USP53: variants seen among roughly 807,000 people sequenced by gnomAD.
The protein encoded by USP53 is ubiquitin carboxyl-terminal hydrolase 53.
Under a neutral mutation model 94.9 loss-of-function variants are expected in USP53, and 71 were observed. That is an observed-to-expected ratio of 0.75 (90% CI 0.62 to 0.91). The LOEUF (loss-of-function observed/expected upper bound fraction) is 0.91. USP53 is among the 40% of genes least tolerant of loss of function. The pLI, the probability that USP53 is intolerant of heterozygous loss-of-function variation, is 0.00. For missense variants in USP53, 1,173 were observed against 1,281.0 expected, an observed-to-expected ratio of 0.92 and a Z score of 1.29; for synonymous variants, 375 against 422.7, an observed-to-expected ratio of 0.89 and a Z score of 1.39.
chr4:119,253,000 T>A (rs1749251555), intron 7 of USP53, among the ~76,000 whole-genome samples: 1 of 152,196 alleles, frequency 6.6e-6, no homozygotes. Flanking sequence ...TACCCAGTAG[T>A]CATTCTTGAG....
chr4:119,233,176 T>C (rs568598712), intron 3 of USP53, among the ~76,000 whole-genome samples: 69 of 77,374 alleles, frequency 8.9e-4, no homozygotes, highest in African/African-American at 1.5e-3. Flanking sequence ...CTCTCTCTCT[T>C]TTTTTTTTTT....
At chr4:119,240,665 A>T (rs1204925509) in intron 5 of USP53, among the ~76,000 whole-genome samples, 1 of 152,112 alleles carries the variant, frequency 6.6e-6, no homozygotes, top group Admixed American at 6.6e-5. Context: ...TTCTTTTGAA[A>T]ACTAATAGAG....
rs762340660 is a variant in USP53 at position 119,271,543 on chromosome 4, C to T, written c.1683C>T (p.Asp561=). Reference sequence around the variant, plus strand: ...ACAATGGCACTGGATATGACACAGACAGCAGCCAAGATTCTAGGGATAGAG... The same window carrying T: ...ACAATGGCACTGGATATGACACAGATAGCAGCCAAGATTCTAGGGATAGAG... ...KSDNGTGYDT[D]SSQDSRDRGN... The change falls in exon 16 of 19, where the codon GAC becomes GAT. Residue 561 remains aspartate (D), a synonymous_variant. Coordinates refer to ENST00000692078, the MANE Select transcript of USP53 (RefSeq NM_001371395.1). 3 of 1,613,726 alleles carry T rather than the reference C, an allele frequency of 1.9e-6. No individual in the cohort carries two copies. Among genetic ancestry groups the T allele is most frequent in the Non-Finnish European group, 2.5e-6 (3 of 1,180,022 alleles).
At chr4:119,255,023 G>A (rs920837252) in intron 7 of USP53, among the ~76,000 whole-genome samples, 1 of 152,168 alleles carries the variant, frequency 6.6e-6, no homozygotes, top group Admixed American at 6.5e-5. Flanking sequence ...GTCCACTCCA[G>A]ACCCTGTTTG....
chr4:119,222,634 T>C (rs1000424771), intron 3 of USP53, among the ~76,000 whole-genome samples: 11 of 152,208 alleles, frequency 7.2e-5, no homozygotes, highest in Admixed American at 1.3e-4. Flanking sequence ...GATTTCATTC[T>C]TTTTTATGGC....
In USP53 at chr4:119,271,837, T is replaced by A; in HGVS notation, c.1977T>A (p.Asn659Lys). Residue 659 changes from asparagine (N) to lysine (K), a missense_variant, in exon 16 of 19, where the codon AAT becomes AAA. Transcript: ENST00000692078. ...EIGSRSSLES[N>K]GKGAEKNKGL... Reference sequence around the variant, plus strand: ...GAAGCAGAAGTTCCCTTGAATCTAATGGAAAAGGAGCAGAGAAAAATAAAG... The same window carrying A: ...GAAGCAGAAGTTCCCTTGAATCTAAAGGAAAAGGAGCAGAGAAAAATAAAG... The A allele has an allele frequency of 6.2e-7, 1 of 1,612,868 alleles. No individual in the cohort carries two copies.
intron 12 of USP53, chr4:119,266,383 T>G: frequency 2.2e-6 from 1 of 455,704 alleles, no homozygotes; most frequent in African/African-American, 2.0e-5. Flanking sequence ...ATTTCCAAAG[T>G]GGTTATACCA....
At chr4:119,262,773 GTAA>G (rs1750664359) in intron 12 of USP53, among the ~76,000 whole-genome samples, 1 of 152,160 alleles carries the variant, frequency 6.6e-6, no homozygotes, top group African/African-American at 2.4e-5. Flanking sequence ...TACTCAAATA[GTAA>G]TAATATTGTC....
chr4:119,222,408 T>C (rs1377479562), intron 3 of USP53, among the ~76,000 whole-genome samples: 1 of 152,212 alleles, frequency 6.6e-6, no homozygotes, highest in African/African-American at 2.4e-5. Context: ...TTCCTTCTAA[T>C]TGTATTTTTG....
intron 17 of USP53, 73 bp from the exon 18 acceptor site, chr4:119,291,091 TG>T (rs1477148607): frequency 1.4e-6 from 1 of 719,500 alleles, no homozygotes; most frequent in Non-Finnish European, 2.1e-6. Flanking sequence ...AAAGTATAAA[TG>T]AAATAAATTC....
chr4:119,225,044 T>C (rs1478710043), intron 3 of USP53, among the ~76,000 whole-genome samples: 1 of 152,062 alleles, frequency 6.6e-6, no homozygotes, highest in Admixed American at 6.6e-5. Context: ...ATAAAGTTGA[T>C]AAAATCCCTA....
intron 17 of USP53, among the ~76,000 whole-genome samples, chr4:119,279,971 C>G (rs1264675550): frequency 3.9e-5 from 6 of 152,184 alleles, no homozygotes; most frequent in Non-Finnish European, 5.9e-5. Context: ...GCACACGGTG[C>G]GCACACCCAC....
intron 9 of USP53, 53 bp downstream of exon 9, chr4:119,256,576 A>G (rs1578491292): frequency 6.5e-7 from 1 of 1,542,236 alleles, no homozygotes; most frequent in East Asian, 2.2e-5. Context: ...ATATTTAAGC[A>G]CATTGAGCAC....
In USP53 at chr4:119,280,199, T is replaced by C. The variant is rs192129466; in HGVS notation, c.2251+6491T>C. Among the ~76,000 whole-genome samples the C allele has an allele frequency of 6.6e-5, 10 of 152,286 alleles. No individual in the cohort carries two copies. In the East Asian group the frequency reaches 1.7e-3, roughly 27 times the overall value. On this transcript the variant is annotated intron_variant, in intron 17 of 18. Coordinates refer to ENST00000692078, the MANE Select transcript of USP53 (RefSeq NM_001371395.1). ...AGATAGCATTAGATTGCTTCCTTTT[T>C]TGATTTAGATGATGAAGTCTTTCAA... is the stretch of plus-strand genomic sequence containing the variant.
Position 119,292,630 on chromosome 4 carries a change from C to T in USP53, c.2641C>T (p.Gln881Ter). The T allele has an allele frequency of 6.2e-7, 1 of 1,614,050 alleles. No homozygotes were observed. Residue 881 changes from glutamine to a stop codon, truncating the protein, a stop_gained, in exon 19 of 19, where the codon CAG becomes TAG. Coordinates refer to ENST00000692078, the MANE Select transcript of USP53 (RefSeq NM_001371395.1). LOFTEE classifies it low-confidence loss of function (END_TRUNC). ...AAAGCCAGAAACTGCTCCTCTCATCCAGCAACAAAATATCATGGATCAATG... is the reference window on the plus strand; with the variant it reads ...AAAGCCAGAAACTGCTCCTCTCATCTAGCAACAAAATATCATGGATCAATG... Reference protein sequence around the residue: ...GLKPETAPLIQQQNIMDQCYF... With the variant: ...GLKPETAPLI
chr4:119,267,767 T>C (rs1178037901), intron 13 of USP53, among the ~76,000 whole-genome samples: 1 of 152,218 alleles, frequency 6.6e-6, no homozygotes, highest in African/African-American at 2.4e-5. Context: ...TTTAGTAAAC[T>C]GGAAAAGTCC....
At chr4:119,287,815 T>C (rs2149476790) in intron 17 of USP53, among the ~76,000 whole-genome samples, 1 of 152,288 alleles carries the variant, frequency 6.6e-6, no homozygotes, top group Non-Finnish European at 1.5e-5. Context: ...TATAATGTCT[T>C]TGTATGTTAA....
chr4:119,271,029 G>C (rs1295229507), intron 15 of USP53, among the ~76,000 whole-genome samples: 1 of 152,120 alleles, frequency 6.6e-6, no homozygotes, highest in Non-Finnish European at 1.5e-5. Flanking sequence ...TTATGAGTGA[G>C]ATAGAGTGCT....
chr4:119,222,466 G>T (rs1561186349), intron 3 of USP53, among the ~76,000 whole-genome samples: 1 of 151,932 alleles, frequency 6.6e-6, no homozygotes, highest in Non-Finnish European at 1.5e-5. Flanking sequence ...TCCTTTCCCA[G>T]CCTCTAGTAA....
Sources: allele counts gnomAD v4.1 joint callset (sites outside exome capture counted in the v4.1 genomes callset), GRCh38; gene constraint gnomAD v4.1.1; transcripts MANE v1.5; gene names NCBI Gene and HGNC (gene_info 2026-07-23, HGNC 2026-07-21).